SPINK8: variants seen among roughly 807,000 people sequenced by gnomAD.
SPINK8 encodes the protein serine protease inhibitor Kazal-type 8.
SPINK8 carries 12 observed loss-of-function variants against 14.4 expected under a neutral mutation model. That is an observed-to-expected ratio of 0.83 (90% CI 0.53 to 1.35). The LOEUF is 1.35. Ranked by LOEUF, SPINK8 falls within the 40% of genes most tolerant of loss-of-function variation. The pLI, the probability that SPINK8 is intolerant of heterozygous loss-of-function variation, is 0.00. For missense variants in SPINK8, 103 were observed against 117.0 expected, an observed-to-expected ratio of 0.88 and a Z score of 0.55; for synonymous variants, 32 against 37.6, an observed-to-expected ratio of 0.85 and a Z score of 0.55.
chr3:48,307,531 T>C (rs2035865254), intron 7 of SPINK8, among the ~76,000 whole-genome samples: 1 of 121,854 alleles, frequency 8.2e-6, no homozygotes, highest in African/African-American at 3.1e-5. Flanking sequence ...TCCCTCCCTA[T>C]CTGCCCCCCA....
chr3:48,333,322 G>A (rs2036289805), intron 1 of SPINK8, among the ~76,000 whole-genome samples: 1 of 152,088 alleles, frequency 6.6e-6, no homozygotes, highest in Non-Finnish European at 1.5e-5. Context: ...TAGCATCTGA[G>A]GGTCAAATTG....
At chr3:48,320,115 G>A (rs1010164408) in intron 5 of SPINK8, among the ~76,000 whole-genome samples, 1 of 150,348 alleles carries the variant, frequency 6.7e-6, no homozygotes, top group Non-Finnish European at 1.5e-5. Context: ...GGGCGACAGA[G>A]CAAGACTCCG....
rs1284738549 is a variant in SPINK8, at chr3:48,321,017, G to A, written c.117+8C>T. On this transcript the variant is annotated splice_region_variant and intron_variant, in intron 5 of 7. Coordinates refer to ENST00000434006, the MANE Select transcript of SPINK8 (RefSeq NM_001080525.3). ...CCTGTTATTAGGAACCAAGGAAGCA[G>A]TACTCACTATTGTTTTGTCTAGCTG... 6.3e-7 allele frequency: 1 copy of A among 1,587,742 alleles called. No homozygotes were observed. Among genetic ancestry groups the A allele is most frequent in the East Asian group, 2.3e-5 (1 of 44,170 alleles).
intron 3 of SPINK8, among the ~76,000 whole-genome samples, chr3:48,328,932 T>G (rs1184808619): frequency 6.6e-6 from 1 of 152,210 alleles, no homozygotes. Context: ...AAAACCATAG[T>G]ATATTTACCA....
At chr3:48,315,161 G>T (rs1458780522) in intron 6 of SPINK8, among the ~76,000 whole-genome samples, 1 of 152,136 alleles carries the variant, frequency 6.6e-6, no homozygotes, top group African/African-American at 2.4e-5. Flanking sequence ...TACTTTACAG[G>T]ATTATTTCAG....
intron 1 of SPINK8, among the ~76,000 whole-genome samples, chr3:48,333,253 C>G (rs914626587): frequency 6.6e-6 from 1 of 152,164 alleles, no homozygotes; most frequent in Non-Finnish European, 1.5e-5. Context: ...ATGTTTCTCC[C>G]TCTTGAAGAG....
intron 6 of SPINK8, among the ~76,000 whole-genome samples, chr3:48,311,292 C>G (rs969810807): frequency 3.9e-5 from 6 of 152,094 alleles, no homozygotes; most frequent in African/African-American, 1.4e-4. Context: ...ATATCGTACT[C>G]AATGGTGAAA....
At chr3:48,310,674 T>G (rs1219972858) in intron 6 of SPINK8, among the ~76,000 whole-genome samples, 1 of 152,088 alleles carries the variant, frequency 6.6e-6, no homozygotes, top group African/African-American at 2.4e-5. Context: ...ATTTTTTGTA[T>G]TTTTAGTAGA....
intron 6 of SPINK8, among the ~76,000 whole-genome samples, chr3:48,314,712 G>A (rs1368001052): frequency 1.3e-5 from 2 of 152,172 alleles, no homozygotes; most frequent in Non-Finnish European, 2.9e-5. Context: ...ACAATCAGAG[G>A]CAACTGTTTA....
At chr3:48,328,676 C>T (rs1560019812) in intron 3 of SPINK8, among the ~76,000 whole-genome samples, 2 of 152,324 alleles carry the variant, frequency 1.3e-5, no homozygotes, top group African/African-American at 2.4e-5. Flanking sequence ...GTGGCTCATG[C>T]CTGTAATCCC....
chr3:48,323,407 A>T (rs991248382), intron 4 of SPINK8, among the ~76,000 whole-genome samples: 13 of 152,268 alleles, frequency 8.5e-5, no homozygotes, highest in African/African-American at 3.1e-4. Flanking sequence ...CCATATTGGT[A>T]TCTTTATTGG....
chr3:48,306,994 A>C lies in SPINK8; in HGVS notation c.292T>G (p.Ter98GlyextTer7), dbSNP rs1206095888. 3 of 1,613,286 alleles carry C rather than the reference A, an allele frequency of 1.9e-6. No individual in the cohort carries two copies. The highest frequency in any genetic ancestry group is 2.5e-6 in the Non-Finnish European group (3 of 1,179,638). Reference sequence around the variant, plus strand: ...TTTTATAATTCTTTGTCGTACGTTCAAGAGTTTTCCTGCAAGAGAAGTATC... The same window carrying C: ...TTTTATAATTCTTTGTCGTACGTTCCAGAGTTTTCCTGCAAGAGAAGTATC... Reference protein sequence around the residue: ...KLYDGQCENS* With the variant: ...KLYDGQCENSG The change falls in exon 8 of 8, where the codon TGA becomes GGA. Residue 98 changes from the stop codon to glycine, a stop_lost. Transcript: ENST00000434006.
Position 48,312,137 on chromosome 3 carries a change from A to G in SPINK8, c.240-2191T>C, listed in dbSNP as rs944523134. On this transcript the variant is annotated intron_variant, in intron 6 of 7. Transcript: ENST00000434006. ...AGATGCAGTAAGACCCTGTCTCCAA[A>G]AAAAAAAAAAAAGTATAATAATCAG... Among the ~76,000 whole-genome samples the G allele has an allele frequency of 8.0e-5, 12 of 150,808 alleles. No individual in the cohort carries two copies. The South Asian group carries it at 8.3e-4, about 10-fold the overall frequency.
At chr3:48,320,935 G>A in intron 5 of SPINK8, 90 bp downstream of exon 5, 7 of 1,339,676 alleles carry the variant, frequency 5.2e-6, no homozygotes, top group Admixed American at 4.4e-5. Flanking sequence ...CCCCTCCACT[G>A]CCCACCTCCC....
At chr3:48,318,028 C>A (rs1031832993) in intron 6 of SPINK8, among the ~76,000 whole-genome samples, 1 of 152,142 alleles carries the variant, frequency 6.6e-6, no homozygotes, top group Admixed American at 6.5e-5. Context: ...GCTTGAGCCA[C>A]CCCTCCAGGC....
chr3:48,331,766 T>C (rs1488702597), intron 2 of SPINK8, among the ~76,000 whole-genome samples: 1 of 152,206 alleles, frequency 6.6e-6, no homozygotes, highest in Non-Finnish European at 1.5e-5. Flanking sequence ...GGGAGAAGTA[T>C]CTAGTGACTG....
intron 2 of SPINK8, among the ~76,000 whole-genome samples, chr3:48,329,689 G>T (rs1420262239): frequency 6.6e-6 from 1 of 152,166 alleles, no homozygotes; most frequent in Non-Finnish European, 1.5e-5. Flanking sequence ...TAGAGACAAG[G>T]TCTTTCTCTG....
intron 6 of SPINK8, among the ~76,000 whole-genome samples, chr3:48,312,684 T>C (rs1014714024): frequency 2.0e-5 from 3 of 151,348 alleles, no homozygotes; most frequent in African/African-American, 4.9e-5. Flanking sequence ...TCTCACACCA[T>C]ATATAAAATT....
intron 6 of SPINK8, among the ~76,000 whole-genome samples, chr3:48,315,301 T>C (rs2107089127): frequency 6.6e-6 from 1 of 152,288 alleles, no homozygotes; most frequent in South Asian, 2.1e-4. Context: ...AAAATAGTCA[T>C]GGCACGTACA....
Sources: gnomAD v4.1 joint callset for allele counts (sites outside exome capture counted in the v4.1 genomes callset) on GRCh38, gnomAD v4.1.1 for gene constraint, MANE v1.5 for transcripts, NCBI Gene and HGNC (gene_info 2026-07-23, HGNC 2026-07-21) for gene names.